Variants in GRM3 observed in about 807,000 individuals in gnomAD.
GRM3 encodes the protein metabotropic glutamate receptor 3.
A neutral mutation model predicts 70.5 loss-of-function variants in GRM3; 26 were observed. The ratio of observed to expected loss-of-function variants is 0.37; its 90% CI spans 0.27 to 0.51. The LOEUF (loss-of-function observed/expected upper bound fraction) is 0.51, where lower values mean the gene tolerates loss of function less well. Ranked by LOEUF, GRM3 falls within the 20% of genes least tolerant of loss-of-function variation. GRM3 has a pLI of 0.93. For missense variants in GRM3, 859 were observed against 1,123.8 expected (o/e 0.76, Z 3.37); for synonymous variants, 443 against 434.9 (o/e 1.02, Z -0.23).
intron 1 of GRM3, among the ~76,000 whole-genome samples, chr7:86,746,920 G>A (rs1202864009): frequency 1.3e-5 from 2 of 152,092 alleles, no homozygotes; most frequent in Admixed American, 1.3e-4. Flanking sequence ...ATCATGTGTA[G>A]CAAAGATGAT....
At chr7:86,741,049 C>T (rs1315714659) in intron 1 of GRM3, among the ~76,000 whole-genome samples, 1 of 152,200 alleles carries the variant, frequency 6.6e-6, no homozygotes, top group Non-Finnish European at 1.5e-5. Context: ...TCTCCCACCA[C>T]GTTTTCCCAT....
At chr7:86,815,871 G>A (rs1434151885) in intron 3 of GRM3, among the ~76,000 whole-genome samples, 2 of 151,920 alleles carry the variant, frequency 1.3e-5, no homozygotes, top group Non-Finnish European at 2.9e-5. Context: ...TCATGTTACA[G>A]AAGAACAAAC....
At chr7:86,763,562 A>G (rs140603497) in intron 1 of GRM3, among the ~76,000 whole-genome samples, 6 of 152,272 alleles carry the variant, frequency 3.9e-5, no homozygotes, top group African/African-American at 1.4e-4. Context: ...TGTCCAAAAC[A>G]TGATCCTCAC....
intron 4 of GRM3, among the ~76,000 whole-genome samples, chr7:86,846,290 A>G (rs1798653438): frequency 6.6e-6 from 1 of 152,190 alleles, no homozygotes; most frequent in Non-Finnish European, 1.5e-5. Flanking sequence ...TTGGAATAAG[A>G]AACTACAGCT....
At chr7:86,665,927 A>C (rs1379754545) in intron 1 of GRM3, among the ~76,000 whole-genome samples, 1 of 152,050 alleles carries the variant, frequency 6.6e-6, no homozygotes, top group Non-Finnish European at 1.5e-5. Flanking sequence ...AAGTTTTAGG[A>C]CTACACAATA....
At chr7:86,789,069 T>G (rs1017708220) in intron 3 of GRM3, among the ~76,000 whole-genome samples, 2 of 152,196 alleles carry the variant, frequency 1.3e-5, no homozygotes, top group Admixed American at 6.5e-5. Context: ...TATCCTCTTT[T>G]TGTCTGTCTT....
intron 1 of GRM3, among the ~76,000 whole-genome samples, chr7:86,663,027 T>G (rs1170886353): frequency 6.6e-6 from 1 of 151,924 alleles, no homozygotes; most frequent in Admixed American, 6.6e-5. Flanking sequence ...ATACAATTGA[T>G]GAATATGAAA....
intron 1 of GRM3, among the ~76,000 whole-genome samples, chr7:86,671,369 T>C (rs1584153320): frequency 6.6e-6 from 1 of 152,212 alleles, no homozygotes; most frequent in African/African-American, 2.4e-5. Context: ...TATTCAAGGG[T>C]AAATAACTGT....
chr7:86,771,997 T>C (rs1796755519), intron 2 of GRM3, among the ~76,000 whole-genome samples: 1 of 152,084 alleles, frequency 6.6e-6, no homozygotes, highest in African/African-American at 2.4e-5. Context: ...TTCAGTCCTA[T>C]CCCTGTGAGA....
intron 5 of GRM3, among the ~76,000 whole-genome samples, chr7:86,858,357 A>G (rs1584283709): frequency 6.6e-6 from 1 of 152,204 alleles, no homozygotes; most frequent in East Asian, 1.9e-4. Flanking sequence ...TCATGTGTTG[A>G]AAACTTAATC....
intron 1 of GRM3, among the ~76,000 whole-genome samples, chr7:86,744,438 A>G (rs1796057940): frequency 6.6e-6 from 1 of 151,798 alleles, no homozygotes; most frequent in African/African-American, 2.4e-5. Context: ...ATTCTACTCT[A>G]TAGTGGAGAG....
At chr7:86,803,409 TC>T (rs1307888442) in intron 3 of GRM3, among the ~76,000 whole-genome samples, 3 of 152,168 alleles carry the variant, frequency 2.0e-5, no homozygotes, top group Non-Finnish European at 4.4e-5. Flanking sequence ...GTTGCAAGGG[TC>T]TTTTAAGGCT....
Position 86,753,335 on chromosome 7 carries a change from T to C in GRM3, c.-140-11671T>C, listed in dbSNP as rs551538638. On this transcript the variant is annotated intron_variant, in intron 1 of 5. Coordinates refer to ENST00000361669, the MANE Select transcript of GRM3 (RefSeq NM_000840.3). ...TGTTCTTGTCTTCATTTTACACATA[T>C]ATAAAATGAGAGCCAAAGAGGTGGC... Among the ~76,000 whole-genome samples, 25 of 152,270 alleles carry C rather than the reference T, an allele frequency of 1.6e-4. 2 individuals are homozygous for C. The South Asian group carries it at 4.6e-3, about 28-fold the overall frequency.
chr7:86,727,935 A>G (rs1401917052), intron 1 of GRM3, among the ~76,000 whole-genome samples: 1 of 152,204 alleles, frequency 6.6e-6, no homozygotes, highest in Non-Finnish European at 1.5e-5. Context: ...TATGGCCTGC[A>G]AAACTTAGAA....
chr7:86,813,078 A>T (rs1297169632), intron 3 of GRM3, among the ~76,000 whole-genome samples: 1 of 151,802 alleles, frequency 6.6e-6, no homozygotes, highest in East Asian at 1.9e-4. Context: ...GTTATTTCAG[A>T]GTTCCAATAT....
In GRM3 at chr7:86,786,077, A is replaced by C. The variant is rs545196240; in HGVS notation, c.469-184A>C. On this transcript the variant is annotated intron_variant, in intron 2 of 5. Transcript: ENST00000361669. The surrounding 1 kb of genome is among the most constrained non-coding windows in gnomAD (Gnocchi z 6.0). ...ACTACCTGTGTGAGACCTGCTTCCT[A>C]GTGTCCAAAATACAGTATCCAAGGA... The C allele has an allele frequency of 1.6e-6, 1 of 640,146 alleles. No homozygotes were observed. Among genetic ancestry groups the C allele is most frequent in the African/African-American group, 1.8e-5 (1 of 55,278 alleles). The allele number at this position is 640,146 out of a possible 1,614,324, so 39.7% of individuals were successfully genotyped here. A position where few individuals can be genotyped will look rare whatever the true frequency, so the allele number is the denominator to read the frequency against.
At chr7:86,745,440 T>G (rs13237764) in intron 1 of GRM3, among the ~76,000 whole-genome samples, 60,923 of 151,850 alleles carry the variant, frequency 0.4, 15,216 homozygotes, top group African/African-American at 0.71. Flanking sequence ...TACTTAAACA[T>G]CTGGGAAGAT....
chr7:86,660,233 A>G (rs1793858440), intron 1 of GRM3, among the ~76,000 whole-genome samples: 2 of 152,076 alleles, frequency 1.3e-5, no homozygotes, highest in South Asian at 4.1e-4. Flanking sequence ...GGAGAACAGA[A>G]CAGCTTAAAG....
chr7:86,677,212 G>A (rs1473118024), intron 1 of GRM3, among the ~76,000 whole-genome samples: 1 of 151,768 alleles, frequency 6.6e-6, no homozygotes, highest in African/African-American at 2.4e-5. Context: ...ATCACTAAAG[G>A]CCTAATTAGA....
Sources: allele counts gnomAD v4.1 joint callset (sites outside exome capture counted in the v4.1 genomes callset), GRCh38; gene constraint gnomAD v4.1.1; non-coding constraint Gnocchi (gnomAD v3.1); transcripts MANE v1.5; gene names NCBI Gene and HGNC (gene_info 2026-07-23, HGNC 2026-07-21).